Variants in SLC1A4 observed in about 807,000 individuals in gnomAD.
SLC1A4 encodes neutral amino acid transporter A.
A neutral mutation model predicts 37.7 loss-of-function variants in SLC1A4; 19 were observed. The observed-to-expected ratio is 0.50, with a 90% confidence interval of 0.35 to 0.74. SLC1A4 has a LOEUF of 0.74. SLC1A4 is among the 30% of genes least tolerant of loss of function. SLC1A4 has a pLI of 0.01. For missense variants in SLC1A4, 570 were observed against 712.9 expected (o/e 0.80, Z 2.28); for synonymous variants, 299 against 309.8 (o/e 0.97, Z 0.37).
At chr2:65,010,573 G>C in intron 3 of SLC1A4, 24 bp from the exon 4 acceptor site, 1 of 1,579,578 alleles carries the variant, frequency 6.3e-7, no homozygotes, top group Non-Finnish European at 8.6e-7. Flanking sequence ...TTGTAAACTT[G>C]TTCTATCCTC....
chr2:64,999,744 C>T (rs1383960458), intron 1 of SLC1A4: 1 of 151,932 alleles, frequency 6.6e-6, no homozygotes, highest in Non-Finnish European at 1.5e-5. Flanking sequence ...AGACCACCTG[C>T]AGTTTCTAGT....
In SLC1A4 at chr2:65,018,668, G is replaced by A. The variant is rs531478111; in HGVS notation, c.1353G>A (p.Val451=). The A allele has an allele frequency of 1.2e-3, 1,997 of 1,614,154 alleles. 50 individuals are homozygous for A. In the South Asian group the frequency reaches 0.02, roughly 17 times the overall value. Residue 451 remains valine (V), a synonymous_variant, in exon 7 of 8, where the codon GTG becomes GTA. Coordinates refer to ENST00000234256, the MANE Select transcript of SLC1A4 (RefSeq NM_003038.5). The surrounding 1 kb of genome is among the most constrained non-coding windows in gnomAD (Gnocchi z 4.3). ...ATGACCTGCCTCTGATCCTGGCTGT[G>A]GACTGGATTGTGTAAGTAACAAGTC... ...PTHDLPLILA[V]DWIVDRTTTV... is the part of the protein sequence containing the mutation.
At chr2:65,017,260 G>A (rs1205744429) in intron 5 of SLC1A4, among the ~76,000 whole-genome samples, 1 of 151,894 alleles carries the variant, frequency 6.6e-6, no homozygotes, top group Non-Finnish European at 1.5e-5. Context: ...GGTGAGGGAT[G>A]GATGCTTAGC....
chr2:65,011,605 T>A (rs1673921641), intron 4 of SLC1A4: 1 of 152,056 alleles, frequency 6.6e-6, no homozygotes, highest in Non-Finnish European at 1.5e-5. Context: ...TGTTTCTTTG[T>A]GTGATATCAA....
intron 2 of SLC1A4, among the ~76,000 whole-genome samples, chr2:65,003,330 C>T (rs951220763): frequency 6.6e-6 from 1 of 152,190 alleles, no homozygotes; most frequent in African/African-American, 2.4e-5. Flanking sequence ...CACCTATGTG[C>T]ACCATGCAGA....
At chr2:64,992,046 G>A (rs1215996481) in intron 1 of SLC1A4, among the ~76,000 whole-genome samples, 2 of 152,214 alleles carry the variant, frequency 1.3e-5, no homozygotes, top group Non-Finnish European at 2.9e-5. Flanking sequence ...TTTTAGGTGA[G>A]TGCTGAAAAG....
intron 2 of SLC1A4, among the ~76,000 whole-genome samples, chr2:65,002,635 T>G (rs1176429506): frequency 7.2e-6 from 1 of 139,540 alleles, no homozygotes; most frequent in Non-Finnish European, 1.5e-5. Flanking sequence ...TGGAGTGCAG[T>G]GGCGCGATCT....
At chr2:64,990,321 G>A in intron 1 of SLC1A4, 151 bp downstream of exon 1, 1 of 844,222 alleles carries the variant, frequency 1.2e-6, no homozygotes, top group Non-Finnish European at 1.8e-6. Flanking sequence ...TCAAAATGAC[G>A]TCTGGAGTTT....
intron 1 of SLC1A4, among the ~76,000 whole-genome samples, chr2:64,992,372 T>C (rs1020173434): frequency 6.6e-6 from 1 of 152,220 alleles, no homozygotes; most frequent in South Asian, 2.1e-4. Context: ...CTGACATGGA[T>C]GGTGACCCAG....
chr2:64,992,669 G>T (rs1019436671), intron 1 of SLC1A4, among the ~76,000 whole-genome samples: 3 of 152,184 alleles, frequency 2.0e-5, no homozygotes, highest in Non-Finnish European at 4.4e-5. Flanking sequence ...ACCCCACAGT[G>T]CAGGGTTCTC....
chr2:65,001,279 G>T lies in SLC1A4; in HGVS notation c.528-169G>T, dbSNP rs988476287. ...AAGACAGGTACCATGGCTCACGCCT[G>T]TAGTCCCAACACTTTGGGAGGCTGA... On this transcript the variant is annotated intron_variant, in intron 1 of 7. Transcript: ENST00000234256. The T allele has an allele frequency of 8.3e-5, 52 of 625,538 alleles. 1 individual carries two copies. The highest frequency in any genetic ancestry group is 2.0e-5 in the Non-Finnish European group (7 of 352,122). The allele number at this position is 625,538 out of a possible 1,614,324, so 38.7% of individuals were successfully genotyped here.
chr2:65,017,682 A>G (rs911599939), intron 5 of SLC1A4, among the ~76,000 whole-genome samples: 1 of 151,600 alleles, frequency 6.6e-6, no homozygotes, highest in Admixed American at 6.6e-5. Context: ...GGCCTAAAAG[A>G]AAAAAAAATC....
At chr2:65,020,876 A>G (rs1488983937) in intron 7 of SLC1A4, 36 bp from the exon 8 acceptor site, 1 of 1,563,862 alleles carries the variant, frequency 6.4e-7, no homozygotes, top group Non-Finnish European at 8.8e-7. Context: ...ATCGCCCAGC[A>G]GTAGATATAA....
rs186113339 is a variant in SLC1A4 at position 64,997,345 on chromosome 2, T to C, written c.528-4103T>C. Among the ~76,000 whole-genome samples, 69 of 152,338 alleles carry C rather than the reference T, an allele frequency of 4.5e-4. 1 individual carries two copies. The highest frequency in any genetic ancestry group is 2.6e-3 in the Admixed American group (40 of 15,304). On this transcript the variant is annotated intron_variant, in intron 1 of 7. Transcript: ENST00000234256. ...AAACAATTTCAAGGTAGGATTTATATACAATAAATGCACCCACTTTAAAGG... is the reference window on the plus strand; with the variant it reads ...AAACAATTTCAAGGTAGGATTTATACACAATAAATGCACCCACTTTAAAGG...
rs1178508613 is a variant in SLC1A4, at chr2:65,018,306, T to C, written c.1229+41T>C. The C allele has an allele frequency of 1.3e-6, 2 of 1,582,646 alleles. No homozygotes were observed. Among genetic ancestry groups the C allele is most frequent in the East Asian group, 2.2e-5 (1 of 44,492 alleles). On this transcript the variant is annotated intron_variant, in intron 6 of 7. Coordinates refer to ENST00000234256, the MANE Select transcript of SLC1A4 (RefSeq NM_003038.5). This position sits in a 1 kb window ranked among gnomAD's most constrained non-coding sequence, Gnocchi z 4.3. ...TTTCCCTGGCTCAAAACTGAAGGCT[T>C]TTCTTGTGATTTCCTTTGAAAAACC...
Position 65,018,377 on chromosome 2 carries a change from G to A in SLC1A4, c.1229+112G>A. The A allele has an allele frequency of 3.6e-6, 5 of 1,377,014 alleles. No individual in the cohort carries two copies. The highest frequency in any genetic ancestry group is 5.0e-6 in the Non-Finnish European group (5 of 1,003,274). The allele number at this position is 1,377,014 out of a possible 1,614,324, so 85.3% of individuals were successfully genotyped here. A position where few individuals can be genotyped will look rare whatever the true frequency, so the allele number is the denominator to read the frequency against. ...TCTCGCTCATAAAATGAGGACAGTG[G>A]GGATTCATTACTTGAAGAGCGTGTG... is the stretch of plus-strand genomic sequence containing the variant. On this transcript the variant is annotated intron_variant, in intron 6 of 7. Transcript: ENST00000234256. This position sits in a 1 kb window ranked among gnomAD's most constrained non-coding sequence, Gnocchi z 4.3.
At chr2:64,991,444 T>TA (rs1491227459) in intron 1 of SLC1A4, among the ~76,000 whole-genome samples, 2 of 99,800 alleles carry the variant, frequency 2.0e-5, no homozygotes, top group East Asian at 3.4e-4. Context: ...TTTTTTTTTT[T>TA]AAAGTCTGGG....
chr2:65,013,514 G>A (rs1004297268), intron 4 of SLC1A4, among the ~76,000 whole-genome samples: 7 of 152,174 alleles, frequency 4.6e-5, no homozygotes, highest in African/African-American at 1.2e-4. Flanking sequence ...GAGCCATAGC[G>A]CCCGGCCGGA....
chr2:64,993,359 C>A lies in SLC1A4; in HGVS notation c.527+3189C>A, dbSNP rs140748173. 5.6e-3 allele frequency among the ~76,000 whole-genome samples: 860 copies of A among 152,312 alleles called. 11 individuals are homozygous for A. The highest frequency in any genetic ancestry group is 0.02 in the African/African-American group (828 of 41,556). On this transcript the variant is annotated intron_variant, in intron 1 of 7. Transcript: ENST00000234256. Reference sequence around the variant, plus strand: ...AGATGAAGCTAGTAGGTATTCATTACATGTGTATATGTTTTTTTAAAATTC... The same window carrying A: ...AGATGAAGCTAGTAGGTATTCATTAAATGTGTATATGTTTTTTTAAAATTC...
Sources: gnomAD v4.1 joint callset for allele counts (sites outside exome capture counted in the v4.1 genomes callset) on GRCh38, gnomAD v4.1.1 for gene constraint, Gnocchi (gnomAD v3.1) non-coding constraint, MANE v1.5 for transcripts, NCBI Gene and HGNC (gene_info 2026-07-23, HGNC 2026-07-21) for gene names.